ADAMTSL1: variants seen among roughly 807,000 people sequenced by gnomAD.
ADAMTSL1 encodes the protein ADAMTS-like protein 1.
In ADAMTSL1, 126 loss-of-function variants were observed where a neutral mutation model predicts 201.8. That is an observed-to-expected ratio of 0.62 (90% CI 0.54 to 0.72). The LOEUF (loss-of-function observed/expected upper bound fraction) is 0.72, where lower values mean the gene tolerates loss of function less well. Ranked by LOEUF, ADAMTSL1 falls within the 30% of genes least tolerant of loss-of-function variation. The pLI is 0.00. For synonymous variants in ADAMTSL1, 1,121 were observed against 903.4 expected (o/e 1.24, Z -4.32); for missense variants, 2,679 against 2,277.8 (o/e 1.18, Z -3.59).
chr9:18,807,989 G>C (rs1413204338), intron 20 of ADAMTSL1, among the ~76,000 whole-genome samples: 1 of 152,112 alleles, frequency 6.6e-6, no homozygotes, highest in East Asian at 1.9e-4. Flanking sequence ...TCTATTAGTA[G>C]GTGATCAACC....
intron 21 of ADAMTSL1, among the ~76,000 whole-genome samples, chr9:18,825,007 C>T (rs1824456130): frequency 6.6e-6 from 1 of 152,072 alleles, no homozygotes; most frequent in Non-Finnish European, 1.5e-5. Flanking sequence ...GGACTTTACA[C>T]TTTAAGCATG....
chr9:18,284,491 G>C (rs1247342476), intron 2 of ADAMTSL1, among the ~76,000 whole-genome samples: 1 of 151,996 alleles, frequency 6.6e-6, no homozygotes, highest in African/African-American at 2.4e-5. Flanking sequence ...AGAATTACTT[G>C]TATTACTTTA....
intron 1 of ADAMTSL1, among the ~76,000 whole-genome samples, chr9:18,046,512 G>C (rs1821665413): frequency 1.3e-5 from 2 of 152,172 alleles, no homozygotes; most frequent in South Asian, 2.1e-4. Context: ...TAGTCACCTG[G>C]TTACATCTAG....
intron 1 of ADAMTSL1, among the ~76,000 whole-genome samples, chr9:17,997,801 A>G (rs987277767): frequency 1.3e-5 from 2 of 152,040 alleles, no homozygotes; most frequent in Non-Finnish European, 2.9e-5. Context: ...AAGAAAACAG[A>G]TTTTATGGAA....
chr9:18,476,772 A>G (rs1005517862), intron 1 of ADAMTSL1, among the ~76,000 whole-genome samples: 46 of 152,202 alleles, frequency 3.0e-4, no homozygotes, highest in African/African-American at 7.7e-4. Context: ...TAATTGGAAA[A>G]CATCCTGTCT....
intron 1 of ADAMTSL1, among the ~76,000 whole-genome samples, chr9:17,994,386 A>G (rs931997369): frequency 6.6e-6 from 1 of 152,156 alleles, no homozygotes; most frequent in African/African-American, 2.4e-5. Flanking sequence ...GACAAGAGAG[A>G]CCATAGCAAT....
intron 1 of ADAMTSL1, among the ~76,000 whole-genome samples, chr9:18,087,788 G>A (rs573348492): frequency 2.0e-5 from 3 of 152,118 alleles, no homozygotes; most frequent in Non-Finnish European, 4.4e-5. Context: ...ATTTGTATCA[G>A]TGTTGTATTG....
intron 19 of ADAMTSL1, among the ~76,000 whole-genome samples, chr9:18,786,075 T>C (rs1821690738): frequency 6.6e-6 from 1 of 152,238 alleles, no homozygotes; most frequent in Non-Finnish European, 1.5e-5. Context: ...CTTTCTTTTC[T>C]TTTCAAAAGG....
At chr9:18,900,051 G>C (rs547632928) in intron 26 of ADAMTSL1, among the ~76,000 whole-genome samples, 2 of 152,042 alleles carry the variant, frequency 1.3e-5, no homozygotes, top group Non-Finnish European at 2.9e-5. Context: ...TCTGACAAAG[G>C]TCTAAATCCA....
At chr9:18,458,530 T>A (rs919896838) in intron 2 of ADAMTSL1, among the ~76,000 whole-genome samples, 1 of 152,162 alleles carries the variant, frequency 6.6e-6, no homozygotes, top group Non-Finnish European at 1.5e-5. Context: ...TCCATAGACT[T>A]AGGTGTCTTC....
intron 24 of ADAMTSL1, among the ~76,000 whole-genome samples, chr9:18,888,889 G>GACAGGAAAACAAATGTTTTCAC (rs1829065644): frequency 6.6e-6 from 1 of 152,164 alleles, no homozygotes; most frequent in African/African-American, 2.4e-5. Context: ...AATGTTTTCA[G>GACAGGAAAACAAATGTTTTCAC]ACAAGAAAAC....
At chr9:18,314,709 G>A (rs529202190) in intron 2 of ADAMTSL1, among the ~76,000 whole-genome samples, 8 of 146,242 alleles carry the variant, frequency 5.5e-5, no homozygotes, top group African/African-American at 2.0e-4. Flanking sequence ...TTATCTCGAA[G>A]AGCAAAAGAA....
rs1361832814 is a variant in ADAMTSL1, at chr9:18,882,156, A to ACTCT, written c.4250-5671_4250-5668dup. Among the ~76,000 whole-genome samples the ACTCT allele has an allele frequency of 2.0e-5, 3 of 152,250 alleles. No individual in the cohort carries two copies. In the South Asian group the frequency reaches 6.2e-4, roughly 32 times the overall value. On this transcript the variant is annotated intron_variant, in intron 23 of 28. Transcript: ENST00000380548. ...CTACCACTCCTTTTTCTGCCTAAAT[A>ACTCT]CTCTCTCAGAAAATCCTAAGGCAGT...
chr9:18,793,386 GT>G (rs71333069), intron 19 of ADAMTSL1: 16,148 of 152,208 alleles, frequency 0.11, 1,151 homozygotes, highest in Non-Finnish European at 0.14. Context: ...AAATGCAAAT[GT>G]CATACAGCCT....
At chr9:17,933,431 G>A (rs542486791) in intron 1 of ADAMTSL1, among the ~76,000 whole-genome samples, 3 of 152,232 alleles carry the variant, frequency 2.0e-5, no homozygotes, top group East Asian at 1.9e-4. Context: ...ATAGGGCAGG[G>A]CATATTTTTG....
chr9:18,648,614 C>G (rs1483606633), intron 7 of ADAMTSL1, among the ~76,000 whole-genome samples: 5 of 151,422 alleles, frequency 3.3e-5, no homozygotes, highest in Non-Finnish European at 7.4e-5. Flanking sequence ...ATTTGCTTGT[C>G]TATAAAGTAT....
chr9:18,457,355 A>G (rs1563972280), intron 2 of ADAMTSL1, among the ~76,000 whole-genome samples: 1 of 152,182 alleles, frequency 6.6e-6, no homozygotes, highest in Non-Finnish European at 1.5e-5. Context: ...GTTTTTAGAA[A>G]CAGGGTCTCA....
intron 23 of ADAMTSL1, among the ~76,000 whole-genome samples, chr9:18,852,833 G>T (rs1826585128): frequency 6.6e-6 from 1 of 151,968 alleles, no homozygotes. Flanking sequence ...AAAACAGTTT[G>T]TAAACTGTAA....
At chr9:18,620,273 C>A (rs1825958243) in intron 4 of ADAMTSL1, among the ~76,000 whole-genome samples, 2 of 151,782 alleles carry the variant, frequency 1.3e-5, no homozygotes, top group Non-Finnish European at 2.9e-5. Context: ...TACCTTTTTT[C>A]ATGATTATCA....
Sources: allele counts gnomAD v4.1 joint callset (sites outside exome capture counted in the v4.1 genomes callset), GRCh38; gene constraint gnomAD v4.1.1; transcripts MANE v1.5; gene names NCBI Gene and HGNC (gene_info 2026-07-23, HGNC 2026-07-21).